Variants in COLGALT2 observed in about 807,000 individuals in gnomAD.
The protein encoded by COLGALT2 is collagen beta(1-O)galactosyltransferase 2, also known as procollagen galactosyltransferase 2.
COLGALT2 carries 49 observed loss-of-function variants against 73.4 expected under a neutral mutation model. The ratio of observed to expected loss-of-function variants is 0.67; its 90% CI spans 0.53 to 0.85. The LOEUF (loss-of-function observed/expected upper bound fraction) is 0.85. COLGALT2 is among the 40% of genes least tolerant of loss of function. The pLI is 0.00. For synonymous variants in COLGALT2, 295 were observed against 307.6 expected (o/e 0.96, Z 0.43); for missense variants, 722 against 790.2 (o/e 0.91, Z 1.03).
intron 1 of COLGALT2, among the ~76,000 whole-genome samples, chr1:184,002,993 G>A (rs1671972439): frequency 6.6e-6 from 1 of 152,096 alleles, no homozygotes; most frequent in Non-Finnish European, 1.5e-5. Context: ...AAAATACTGT[G>A]CTATCAAAAG....
chr1:183,962,185 A>G (rs1449239646), intron 6 of COLGALT2, among the ~76,000 whole-genome samples: 2 of 88,452 alleles, frequency 2.3e-5, no homozygotes, highest in African/African-American at 1.1e-4. Flanking sequence ...TTTGAGATGG[A>G]GTCTCACTCT....
At chr1:183,946,866 C>G (rs914381258) in intron 8 of COLGALT2, among the ~76,000 whole-genome samples, 3 of 152,084 alleles carry the variant, frequency 2.0e-5, no homozygotes, top group African/African-American at 7.2e-5. Context: ...CCCATCTCTA[C>G]TAAAAATACA....
intron 5 of COLGALT2, among the ~76,000 whole-genome samples, chr1:183,965,337 T>C (rs762513581): frequency 4.1e-4 from 62 of 152,332 alleles, no homozygotes; most frequent in Non-Finnish European, 7.9e-4. Context: ...AAAAAAATGA[T>C]ATGATACCTA....
At chr1:183,978,003 T>C (rs1416693658) in intron 2 of COLGALT2, among the ~76,000 whole-genome samples, 1 of 151,916 alleles carries the variant, frequency 6.6e-6, no homozygotes, top group African/African-American at 2.4e-5. Context: ...GTAAAAAAAA[T>C]GAAAATTAGC....
At chr1:183,977,660 A>C (rs1671235766) in intron 2 of COLGALT2, among the ~76,000 whole-genome samples, 1 of 151,896 alleles carries the variant, frequency 6.6e-6, no homozygotes, top group Admixed American at 6.6e-5. Flanking sequence ...ATAGTGGTGC[A>C]TGGCTGTGGT....
intron 1 of COLGALT2, among the ~76,000 whole-genome samples, chr1:184,000,310 T>C (rs1558332086): frequency 6.6e-6 from 1 of 152,160 alleles, no homozygotes; most frequent in South Asian, 2.1e-4. Flanking sequence ...ATTTTTCTTT[T>C]CTTAACTTAT....
intron 1 of COLGALT2, among the ~76,000 whole-genome samples, chr1:183,988,681 T>C (rs944273376): frequency 3.3e-5 from 5 of 152,244 alleles, no homozygotes; most frequent in African/African-American, 1.2e-4. Context: ...CACTTCTTTT[T>C]ATGGCTAAAT....
chr1:183,988,794 G>A (rs748448776), intron 1 of COLGALT2, among the ~76,000 whole-genome samples: 1 of 152,156 alleles, frequency 6.6e-6, no homozygotes, highest in African/African-American at 2.4e-5. Flanking sequence ...ATGCTGCTAT[G>A]AACATTCATG....
chr1:184,004,154 G>A (rs187244772), intron 1 of COLGALT2, among the ~76,000 whole-genome samples: 63 of 152,208 alleles, frequency 4.1e-4, no homozygotes, highest in Admixed American at 5.2e-4. Flanking sequence ...GCTAGCTACG[G>A]TCTTAAAATC....
chr1:184,018,480 T>C (rs1478182319), intron 1 of COLGALT2, among the ~76,000 whole-genome samples: 1 of 152,172 alleles, frequency 6.6e-6, no homozygotes, highest in African/African-American at 2.4e-5. Context: ...ACATAAAGAA[T>C]TCCATTCCCA....
intron 8 of COLGALT2, among the ~76,000 whole-genome samples, chr1:183,950,567 C>T (rs1452959546): frequency 3.3e-5 from 5 of 151,926 alleles, no homozygotes; most frequent in African/African-American, 1.2e-4. Flanking sequence ...TCGGTCCAGG[C>T]AGATTGTGGC....
At chr1:183,962,908 G>A (rs566646012) in intron 6 of COLGALT2, among the ~76,000 whole-genome samples, 1 of 152,164 alleles carries the variant, frequency 6.6e-6, no homozygotes, top group Non-Finnish European at 1.5e-5. Context: ...ATACATCAGA[G>A]CCTCTTGGCG....
At chr1:183,961,986 G>A (rs1385530987) in intron 6 of COLGALT2, among the ~76,000 whole-genome samples, 1 of 151,944 alleles carries the variant, frequency 6.6e-6, no homozygotes, top group Admixed American at 6.6e-5. Context: ...AATATTTGCT[G>A]GGCATCTACC....
intron 1 of COLGALT2, among the ~76,000 whole-genome samples, chr1:184,035,799 T>A (rs1159292394): frequency 6.6e-6 from 1 of 152,228 alleles, no homozygotes; most frequent in Non-Finnish European, 1.5e-5. Context: ...TTCCTTCTGG[T>A]TTAAAGCCTG....
At chr1:184,025,502 A>G (rs562696940) in intron 1 of COLGALT2, among the ~76,000 whole-genome samples, 3 of 152,328 alleles carry the variant, frequency 2.0e-5, no homozygotes, top group African/African-American at 7.2e-5. Flanking sequence ...GAGCCTGGCT[A>G]GATGTGCTCA....
chr1:183,940,861 G>GT, intron 10 of COLGALT2, 74 bp from the exon 11 acceptor site: 1 of 1,261,918 alleles, frequency 7.9e-7, no homozygotes, highest in Non-Finnish European at 1.2e-6. Flanking sequence ...CACAGCTTTG[G>GT]TTTACATAGA....
intron 1 of COLGALT2, among the ~76,000 whole-genome samples, chr1:183,994,806 T>C (rs1267814355): frequency 3.3e-5 from 5 of 152,220 alleles, no homozygotes; most frequent in Admixed American, 6.5e-5. Context: ...AAGAGATTTC[T>C]TTTTGGTAAG....
At position 183,938,241 on chromosome 1, in the gene COLGALT2, A is replaced by C. The variant is rs1199880178; in HGVS notation, c.*520T>G. On this transcript the variant is annotated 3_prime_UTR_variant, in exon 12 of 12. Coordinates refer to ENST00000361927, the MANE Select transcript of COLGALT2 (RefSeq NM_015101.4). ...TCTACTTTTCAATAAGACTTGTGACAGAATCCTTTAAATAAAAAGCCAAAT... is the reference window on the plus strand; with the variant it reads ...TCTACTTTTCAATAAGACTTGTGACCGAATCCTTTAAATAAAAAGCCAAAT... The C allele has an allele frequency of 2.0e-6, 2 of 986,170 alleles. No homozygotes were observed. The highest frequency in any genetic ancestry group is 2.4e-6 in the Non-Finnish European group (2 of 830,722). The allele number at this position is 986,170 out of a possible 1,614,324, so 61.1% of individuals were successfully genotyped here.
Position 183,959,474 on chromosome 1 carries a change from C to T in COLGALT2, c.952+4427G>A, listed in dbSNP as rs145521276. On this transcript the variant is annotated intron_variant, in intron 6 of 11. Coordinates refer to ENST00000361927, the MANE Select transcript of COLGALT2 (RefSeq NM_015101.4). Reference sequence around the variant, plus strand: ...AGTAAATGGCATATCAGGCTAAAATCTTGGACTCATCTTGATTCCTTTCTT... The same window carrying T: ...AGTAAATGGCATATCAGGCTAAAATTTTGGACTCATCTTGATTCCTTTCTT... 9.8e-4 allele frequency among the ~76,000 whole-genome samples: 150 copies of T among 152,302 alleles called. 1 individual carries two copies. Among genetic ancestry groups the T allele is most frequent in the African/African-American group, 3.5e-3 (146 of 41,564 alleles).
Sources: allele counts gnomAD v4.1 joint callset (sites outside exome capture counted in the v4.1 genomes callset), GRCh38; gene constraint gnomAD v4.1.1; transcripts MANE v1.5; gene names NCBI Gene and HGNC (gene_info 2026-07-23, HGNC 2026-07-21).